ENOX1: variants seen among roughly 807,000 people sequenced by gnomAD.
ENOX1 encodes ecto-NOX disulfide-thiol exchanger 1.
In ENOX1, 42 loss-of-function variants were observed where a neutral mutation model predicts 82.5. That is an observed-to-expected ratio of 0.51 (90% CI 0.40 to 0.66). The LOEUF is 0.66. ENOX1 is among the 30% of genes least tolerant of loss of function. The pLI is 0.00. For missense variants in ENOX1, 608 were observed against 811.6 expected, an observed-to-expected ratio of 0.75 and a Z score of 3.05; for synonymous variants, 271 against 282.2, an observed-to-expected ratio of 0.96 and a Z score of 0.40.
chr13:43,777,611 C>T (rs923700687), intron 1 of ENOX1, among the ~76,000 whole-genome samples: 13 of 150,182 alleles, frequency 8.7e-5, no homozygotes, highest in South Asian at 4.2e-4. Context: ...GGCATGATCT[C>T]GACTCACTGC....
chr13:43,374,404 C>T (rs1361294673), intron 5 of ENOX1, among the ~76,000 whole-genome samples: 1 of 151,998 alleles, frequency 6.6e-6, no homozygotes, highest in Non-Finnish European at 1.5e-5. Context: ...TGCCACCACA[C>T]CTGGCTAATC....
intron 1 of ENOX1, among the ~76,000 whole-genome samples, chr13:43,743,208 A>G (rs554915676): frequency 6.6e-6 from 1 of 152,286 alleles, no homozygotes; most frequent in East Asian, 1.9e-4. Context: ...ACAGAAGGAG[A>G]CCTTGATAAT....
At chr13:43,624,164 T>G (rs1446646692) in intron 2 of ENOX1, among the ~76,000 whole-genome samples, 6 of 152,216 alleles carry the variant, frequency 3.9e-5, no homozygotes, top group Non-Finnish European at 5.9e-5. Context: ...ACTTGCATTC[T>G]TGTAATGACT....
intron 5 of ENOX1, among the ~76,000 whole-genome samples, chr13:43,401,373 T>C (rs1013235969): frequency 1.3e-5 from 2 of 152,192 alleles, no homozygotes; most frequent in African/African-American, 4.8e-5. Context: ...ATAGTGATCA[T>C]TGAGAGACGG....
intron 2 of ENOX1, among the ~76,000 whole-genome samples, chr13:43,624,053 T>C (rs1175219629): frequency 6.6e-6 from 1 of 152,210 alleles, no homozygotes; most frequent in Non-Finnish European, 1.5e-5. Flanking sequence ...ACCAGCAATG[T>C]AGGGATTTAG....
At chr13:43,752,001 T>G (rs563058905) in intron 1 of ENOX1, among the ~76,000 whole-genome samples, 1 of 152,184 alleles carries the variant, frequency 6.6e-6, no homozygotes, top group African/African-American at 2.4e-5. Flanking sequence ...CCACTAACAG[T>G]GTGTGAAAAT....
chr13:43,494,146 G>A (rs1196876656), intron 2 of ENOX1, among the ~76,000 whole-genome samples: 1 of 152,086 alleles, frequency 6.6e-6, no homozygotes, highest in African/African-American at 2.4e-5. Context: ...TACAATTCAA[G>A]ATGAGATTTT....
intron 3 of ENOX1, among the ~76,000 whole-genome samples, chr13:43,441,851 T>A (rs2056377957): frequency 6.6e-6 from 1 of 151,990 alleles, no homozygotes; most frequent in Non-Finnish European, 1.5e-5. Flanking sequence ...CTTTTTTTTT[T>A]AAGCCATTAG....
At chr13:43,753,151 C>T (rs1231703920) in intron 1 of ENOX1, among the ~76,000 whole-genome samples, 3 of 152,174 alleles carry the variant, frequency 2.0e-5, no homozygotes, top group Admixed American at 6.5e-5. Flanking sequence ...TGAGCCACCA[C>T]GCCCGGCCTC....
At position 43,612,618 on chromosome 13, in the gene ENOX1, T is replaced by C. The variant is rs539688475; in HGVS notation, c.-219+54861A>G. On this transcript the variant is annotated intron_variant, in intron 2 of 16. Coordinates refer to ENST00000690772, the MANE Select transcript of ENOX1 (RefSeq NM_001347969.2). ...AAAGTTTACATCCAAGAATTCCCTA[T>C]AATGTAAACTTGAAAATTAATGCTT... Among the ~76,000 whole-genome samples the C allele has an allele frequency of 2.6e-5, 4 of 152,300 alleles. No homozygotes were observed. In the South Asian group the frequency reaches 8.3e-4, roughly 32 times the overall value.
Position 43,486,956 on chromosome 13 carries a change from T to C in ENOX1, c.-218-2804A>G, listed in dbSNP as rs541962319. ...GGGAGGCCAAGGCAGGCAGATCACC[T>C]GAGGTCAGGAGTTCGAGACCAGCCT... On this transcript the variant is annotated intron_variant, in intron 2 of 16. Coordinates refer to ENST00000690772, the MANE Select transcript of ENOX1 (RefSeq NM_001347969.2). Among the ~76,000 whole-genome samples the C allele has an allele frequency of 7.2e-5, 11 of 152,308 alleles. No individual in the cohort carries two copies. The South Asian group carries it at 2.3e-3, about 32-fold the overall frequency.
chr13:43,692,731 T>C (rs1291589832), intron 1 of ENOX1, among the ~76,000 whole-genome samples: 2 of 152,136 alleles, frequency 1.3e-5, no homozygotes, highest in Non-Finnish European at 2.9e-5. Flanking sequence ...ATTTTACATG[T>C]TTTGTATAAC....
At chr13:43,426,320 G>A (rs555311266) in intron 3 of ENOX1, among the ~76,000 whole-genome samples, 1 of 152,228 alleles carries the variant, frequency 6.6e-6, no homozygotes, top group South Asian at 2.1e-4. Flanking sequence ...TAGAGTCATC[G>A]TATGTATTTA....
chr13:43,343,999 G>A (rs1304416710), intron 9 of ENOX1, among the ~76,000 whole-genome samples: 1 of 152,050 alleles, frequency 6.6e-6, no homozygotes, highest in Non-Finnish European at 1.5e-5. Flanking sequence ...AGTAGTTAAG[G>A]CAATTTGCTT....
Position 43,659,636 on chromosome 13 carries a change from C to T in ENOX1, c.-219+7843G>A, listed in dbSNP as rs561669770. On this transcript the variant is annotated intron_variant, in intron 2 of 16. Transcript: ENST00000690772. The stretch of plus-strand genomic sequence containing the variant: ...TTGGCTGTCTGAGATATTTAAGGGC[C>T]GAGCACTAGAAGGTCCACAGAAAGG... Among the ~76,000 whole-genome samples, 6 of 152,058 alleles carry T rather than the reference C, an allele frequency of 3.9e-5. No homozygotes were observed. The South Asian group carries it at 1.0e-3, about 26-fold the overall frequency.
chr13:43,669,066 C>G (rs2085128633), intron 1 of ENOX1, among the ~76,000 whole-genome samples: 1 of 152,192 alleles, frequency 6.6e-6, no homozygotes, highest in Non-Finnish European at 1.5e-5. Flanking sequence ...ACAAGATGCA[C>G]TACTCAGAAG....
chr13:43,733,490 G>A (rs1292324310), intron 1 of ENOX1, among the ~76,000 whole-genome samples: 1 of 152,152 alleles, frequency 6.6e-6, no homozygotes, highest in African/African-American at 2.4e-5. Flanking sequence ...AAGCCACATC[G>A]TATGAGGCGA....
At chr13:43,243,642 C>T (rs563954972) in intron 14 of ENOX1, among the ~76,000 whole-genome samples, 2 of 152,300 alleles carry the variant, frequency 1.3e-5, no homozygotes, top group African/African-American at 2.4e-5. Flanking sequence ...TTTGTCTCTG[C>T]CTCTAGGCTC....
rs1002326193 is a variant in ENOX1 at position 43,470,214 on chromosome 13, A to G, written c.-75+13795T>C. On this transcript the variant is annotated intron_variant, in intron 3 of 16. Coordinates refer to ENST00000690772, the MANE Select transcript of ENOX1 (RefSeq NM_001347969.2). ...TGTGTATATATATATGTGTATATAT[A>G]TATGTGTGTGTATGTGTGTGTGTGT... 2.6e-4 allele frequency among the ~76,000 whole-genome samples: 31 copies of G among 118,002 alleles called. 3 individuals carry two copies. Among genetic ancestry groups the G allele is most frequent in the African/African-American group, 8.8e-4 (30 of 34,272 alleles). The allele number at this position is 118,002 out of a possible 152,430, so 77.4% of individuals were successfully genotyped here. A position where few individuals can be genotyped will look rare whatever the true frequency, so the allele number is the denominator to read the frequency against.
Sources: allele counts gnomAD v4.1 joint callset (sites outside exome capture counted in the v4.1 genomes callset), GRCh38; gene constraint gnomAD v4.1.1; transcripts MANE v1.5; gene names NCBI Gene and HGNC (gene_info 2026-07-23, HGNC 2026-07-21).